Variants in KDM5B observed in about 807,000 individuals in gnomAD.
The protein encoded by KDM5B is lysine-specific demethylase 5B.
Under a neutral mutation model 193.4 loss-of-function variants are expected in KDM5B, and 144 were observed. The ratio of observed to expected loss-of-function variants is 0.74; its 90% CI spans 0.65 to 0.86. KDM5B has a LOEUF of 0.86. Among genes scored for constraint, KDM5B ranks in the 40% least tolerant of loss-of-function variants. KDM5B has a pLI of 0.00. For synonymous variants in KDM5B, 668 were observed against 682.6 expected, an observed-to-expected ratio of 0.98 and a Z score of 0.33; for missense variants, 1,833 against 1,886.9, an observed-to-expected ratio of 0.97 and a Z score of 0.53.
intron 26 of KDM5B, 144 bp from the exon 27 acceptor site, chr1:202,729,317 A>T (rs947659817): frequency 1.2e-6 from 1 of 839,410 alleles, no homozygotes; most frequent in African/African-American, 1.7e-5. Context: ...AGCTAAGCCA[A>T]ATGAGTGTAG....
rs1346518052 is a variant in KDM5B, at chr1:202,743,362, A to C, written c.2324-557T>G. 8.3e-5 allele frequency among the ~76,000 whole-genome samples: 10 copies of C among 121,002 alleles called. No individual in the cohort carries two copies. In the South Asian group the frequency reaches 2.2e-3, roughly 26 times the overall value. 79.4% of individuals were successfully genotyped at this position (121,002 alleles called of 152,430 possible). A position where few individuals can be genotyped will look rare whatever the true frequency, so the allele number is the denominator to read the frequency against. ...AAAAAAAAAAAAAAAAAAAAAAAAA[A>C]AACACCTGGCATGTTTAAAATAGAC... is the stretch of plus-strand genomic sequence containing the variant. On this transcript the variant is annotated intron_variant, in intron 16 of 26. Transcript: ENST00000367265.
chr1:202,772,728 C>T (rs1192718515), intron 4 of KDM5B, among the ~76,000 whole-genome samples: 4 of 151,370 alleles, frequency 2.6e-5, no homozygotes, highest in Non-Finnish European at 1.5e-5. Flanking sequence ...CTCAGAGTCT[C>T]GCTCTTTGCC....
In KDM5B at chr1:202,787,888, G is replaced by C. The variant is rs567049445; in HGVS notation, c.205-10794C>G. Among the ~76,000 whole-genome samples the C allele has an allele frequency of 2.1e-5, 3 of 143,394 alleles. No individual in the cohort carries two copies. In the South Asian group the frequency reaches 6.7e-4, roughly 32 times the overall value. The allele number at this position is 143,394 out of a possible 152,430, so 94.1% of individuals were successfully genotyped here. On this transcript the variant is annotated intron_variant, in intron 1 of 26. Transcript: ENST00000367265. The stretch of plus-strand genomic sequence containing the variant: ...AGCCTGGGCAACAGTGTGAGACTCT[G>C]TCTCAAAAAAAAAAAAAAATTATGT...
chr1:202,783,785 G>A (rs1489129532), intron 1 of KDM5B, among the ~76,000 whole-genome samples: 1 of 152,110 alleles, frequency 6.6e-6, no homozygotes, highest in Non-Finnish European at 1.5e-5. Flanking sequence ...GGAGACTGAG[G>A]TAGGAGAATG....
chr1:202,768,717 CTTTT>C (rs11450747), intron 4 of KDM5B, among the ~76,000 whole-genome samples: 10 of 130,410 alleles, frequency 7.7e-5, no homozygotes, highest in Admixed American at 4.9e-4. Flanking sequence ...GTTAACTATT[CTTTT>C]TTTTTTTTTT....
chr1:202,790,526 C>A (rs1411792907), intron 1 of KDM5B, among the ~76,000 whole-genome samples: 2 of 151,978 alleles, frequency 1.3e-5, no homozygotes, highest in African/African-American at 4.8e-5. Context: ...TCGAGACCAG[C>A]GTGGTCAACA....
intron 5 of KDM5B, among the ~76,000 whole-genome samples, chr1:202,765,153 T>A (rs1048892943): frequency 6.6e-6 from 1 of 152,234 alleles, no homozygotes; most frequent in Admixed American, 6.5e-5. Context: ...TTTGCTGACC[T>A]ATTCCAAGGT....
At chr1:202,747,580 A>G (rs556515850) in intron 14 of KDM5B, among the ~76,000 whole-genome samples, 1 of 151,842 alleles carries the variant, frequency 6.6e-6, no homozygotes, top group Non-Finnish European at 1.5e-5. Context: ...AAAAAAAAAA[A>G]AAAAAACAGT....
intron 7 of KDM5B, among the ~76,000 whole-genome samples, chr1:202,762,481 G>C (rs1211415619): frequency 6.6e-6 from 1 of 152,180 alleles, no homozygotes. Flanking sequence ...TGCCGCCCCG[G>C]ATGTTACTAC....
intron 1 of KDM5B, among the ~76,000 whole-genome samples, chr1:202,778,747 C>T (rs1299556135): frequency 1.3e-5 from 2 of 152,110 alleles, no homozygotes; most frequent in Non-Finnish European, 2.9e-5. Flanking sequence ...CTCAGCCTCC[C>T]GAGTAGCTGG....
chr1:202,767,283 T>A, intron 4 of KDM5B: 3 of 1,609,496 alleles, frequency 1.9e-6, no homozygotes, highest in Non-Finnish European at 2.5e-6. Flanking sequence ...CAAACGCAGA[T>A]CCAAAGTACA....
In KDM5B at chr1:202,727,896, T is replaced by A. The variant is rs1275346991; in HGVS notation, c.*1140A>T. 1.3e-5 allele frequency: 2 copies of A among 152,684 alleles called. No individual in the cohort carries two copies. Among genetic ancestry groups the A allele is most frequent in the Non-Finnish European group, 2.9e-5 (2 of 68,052 alleles). 9.5% of individuals were successfully genotyped at this position (152,684 alleles called of 1,614,324 possible). On this transcript the variant is annotated 3_prime_UTR_variant, in exon 27 of 27. Coordinates refer to ENST00000367265, the MANE Select transcript of KDM5B (RefSeq NM_006618.5). The stretch of plus-strand genomic sequence containing the variant: ...CAGCATTCCACAAGGAAGACTGATT[T>A]GAGGATTGAAGTGATTTGCCAACAT...
chr1:202,772,983 C>G (rs1420652255), intron 4 of KDM5B, 135 bp downstream of exon 4: 2 of 621,344 alleles, frequency 3.2e-6, no homozygotes, highest in African/African-American at 3.7e-5. Context: ...AGGAGTGAGC[C>G]ACCGCGCCCC....
chr1:202,763,302 A>T (rs1218332227), intron 6 of KDM5B, among the ~76,000 whole-genome samples: 1 of 152,218 alleles, frequency 6.6e-6, no homozygotes, highest in African/African-American at 2.4e-5. Context: ...ATCATGTGGT[A>T]GGCATTGTGC....
chr1:202,774,032 C>T (rs375798870), intron 3 of KDM5B, among the ~76,000 whole-genome samples: 1 of 152,146 alleles, frequency 6.6e-6, no homozygotes, highest in Non-Finnish European at 1.5e-5. Flanking sequence ...CCACCACGCC[C>T]GGCCATGGCT....
In KDM5B at chr1:202,776,954, G is replaced by A. The variant is rs146857388; in HGVS notation, c.282+63C>T. On this transcript the variant is annotated intron_variant, in intron 2 of 26. Coordinates refer to ENST00000367265, the MANE Select transcript of KDM5B (RefSeq NM_006618.5). Reference sequence around the variant, plus strand: ...GATTCTGTAACAATTTTAATATATCGTAATAATTTCAAAGACGGTCCCCCT... The same window carrying A: ...GATTCTGTAACAATTTTAATATATCATAATAATTTCAAAGACGGTCCCCCT... 1,813 of 1,014,382 alleles carry A rather than the reference G, an allele frequency of 1.8e-3. 19 individuals carry two copies. The African/African-American group carries it at 0.025, about 14-fold the overall frequency. 62.8% of individuals were successfully genotyped at this position (1,014,382 alleles called of 1,614,324 possible). A position where few individuals can be genotyped will look rare whatever the true frequency, so the allele number is the denominator to read the frequency against.
chr1:202,808,387 G>A lies in KDM5B; in HGVS notation c.-82C>T, dbSNP rs932503834. 7.7e-6 allele frequency: 10 copies of A among 1,302,948 alleles called. No individual in the cohort carries two copies. In the Admixed American group the frequency reaches 8.2e-5, roughly 11 times the overall value. 80.7% of individuals were successfully genotyped at this position (1,302,948 alleles called of 1,614,324 possible). On this transcript the variant is annotated 5_prime_UTR_variant, in exon 1 of 27. Coordinates refer to ENST00000367265, the MANE Select transcript of KDM5B (RefSeq NM_006618.5). ...CTCCGCTCGGTCCGAGACCCGTGCAGACGCGGCTCGAGCAACAGCAAGTCC... is the reference window on the plus strand; with the variant it reads ...CTCCGCTCGGTCCGAGACCCGTGCAAACGCGGCTCGAGCAACAGCAAGTCC...
chr1:202,746,179 C>G lies in KDM5B; in HGVS notation c.2161G>C (p.Glu721Gln), dbSNP rs748425773. ...TTGTAAGGAGGACAGGAACACAATT[C>G]TTTTACATGATGCAGGCAAACAAGA... ...GLLVCLHHVKELCSCPPYKYK... is the reference protein window; with the variant it reads ...GLLVCLHHVKQLCSCPPYKYK... The change falls in exon 15 of 27, where the codon GAA (glutamate) becomes CAA (glutamine). Residue 721 changes from glutamate (E) to glutamine (Q), a missense_variant. By Grantham distance (29) the Glu-to-Gln change is conservative (BLOSUM62 2). Coordinates refer to ENST00000367265, the MANE Select transcript of KDM5B (RefSeq NM_006618.5). The G allele has an allele frequency of 1.2e-6, 2 of 1,613,270 alleles. No homozygotes were observed. Among genetic ancestry groups the G allele is most frequent in the Non-Finnish European group, 1.7e-6 (2 of 1,179,644 alleles).
chr1:202,769,704 A>G (rs938844560), intron 4 of KDM5B, among the ~76,000 whole-genome samples: 1 of 150,830 alleles, frequency 6.6e-6, no homozygotes, highest in Non-Finnish European at 1.5e-5. Flanking sequence ...AAATTATGAG[A>G]CAAATTAAAC....
Sources: allele counts gnomAD v4.1 joint callset (sites outside exome capture counted in the v4.1 genomes callset), GRCh38; gene constraint gnomAD v4.1.1; transcripts MANE v1.5; gene names NCBI Gene and HGNC (gene_info 2026-07-23, HGNC 2026-07-21).